CNTNAP2: variants seen among roughly 807,000 people sequenced by gnomAD.
CNTNAP2 encodes contactin associated protein 2.
CNTNAP2 carries 98 observed loss-of-function variants against 155.2 expected under a neutral mutation model. The ratio of observed to expected loss-of-function variants is 0.63; its 90% CI spans 0.54 to 0.75. The LOEUF (loss-of-function observed/expected upper bound fraction) is 0.75, where lower values mean the gene tolerates loss of function less well. CNTNAP2 is among the 30% of genes least tolerant of loss of function. CNTNAP2 has a pLI of 0.00. For missense variants in CNTNAP2, 1,727 were observed against 1,688.1 expected, an observed-to-expected ratio of 1.02 and a Z score of -0.40; for synonymous variants, 651 against 631.2, an observed-to-expected ratio of 1.03 and a Z score of -0.47.
chr7:146,521,388 C>T (rs1797614645), intron 1 of CNTNAP2, among the ~76,000 whole-genome samples: 1 of 151,882 alleles, frequency 6.6e-6, no homozygotes, highest in Non-Finnish European at 1.5e-5. Flanking sequence ...TTGAGTATAG[C>T]ATACAAAATA....
intron 11 of CNTNAP2, among the ~76,000 whole-genome samples, chr7:147,558,597 G>C (rs562379290): frequency 6.6e-6 from 1 of 152,194 alleles, no homozygotes; most frequent in African/African-American, 2.4e-5. Context: ...TTCTGTAAGC[G>C]TTGATGAGGC....
At chr7:146,223,187 G>A (rs1318614027) in intron 1 of CNTNAP2, among the ~76,000 whole-genome samples, 1 of 152,174 alleles carries the variant, frequency 6.6e-6, no homozygotes, top group Non-Finnish European at 1.5e-5. Flanking sequence ...TTGTCACAGA[G>A]CTAGGAAGCA....
intron 8 of CNTNAP2, among the ~76,000 whole-genome samples, chr7:147,229,809 A>G (rs1213480025): frequency 6.6e-6 from 1 of 152,242 alleles, no homozygotes; most frequent in African/African-American, 2.4e-5. Flanking sequence ...AAATTGCAAT[A>G]TAATAAATTA....
intron 13 of CNTNAP2, among the ~76,000 whole-genome samples, chr7:147,771,820 A>G (rs1187334712): frequency 6.6e-6 from 1 of 151,970 alleles, no homozygotes; most frequent in Non-Finnish European, 1.5e-5. Flanking sequence ...ACATAAATTT[A>G]TGAATTTGAT....
At chr7:147,996,162 T>C (rs1365528542) in intron 15 of CNTNAP2, among the ~76,000 whole-genome samples, 1 of 152,178 alleles carries the variant, frequency 6.6e-6, no homozygotes, top group Non-Finnish European at 1.5e-5. Context: ...TCTAATAGCT[T>C]TGAACCACAA....
Position 146,669,473 on chromosome 7 carries a change from A to G in CNTNAP2, c.98-104798A>G, listed in dbSNP as rs146117087. On this transcript the variant is annotated intron_variant, in intron 1 of 23. Transcript: ENST00000361727. ...TAAATATAACTTTGTTATAACATCA[A>G]TTGCGTGTAACCAATCTCATGCCAA... Among the ~76,000 whole-genome samples the G allele has an allele frequency of 1.2e-3, 177 of 152,250 alleles. 1 individual carries two copies. The highest frequency in any genetic ancestry group is 6.8e-3 in the Middle Eastern group (2 of 294).
At chr7:147,006,549 C>A (rs543310038) in intron 3 of CNTNAP2, among the ~76,000 whole-genome samples, 63 of 151,760 alleles carry the variant, frequency 4.2e-4, no homozygotes, top group Non-Finnish European at 8.0e-4. Flanking sequence ...AATATAAATA[C>A]AAGAATTAAA....
chr7:146,215,624 A>T (rs1799101016), intron 1 of CNTNAP2, among the ~76,000 whole-genome samples: 1 of 149,596 alleles, frequency 6.7e-6, no homozygotes. Context: ...AATAATATAT[A>T]TATATTTTTT....
chr7:147,510,918 T>G (rs1799007933), intron 11 of CNTNAP2, among the ~76,000 whole-genome samples: 1 of 136,314 alleles, frequency 7.3e-6, no homozygotes, highest in South Asian at 2.4e-4. Flanking sequence ...GTTACTGAAC[T>G]TGGATACCAC....
chr7:147,746,241 C>G (rs374781720), intron 13 of CNTNAP2, among the ~76,000 whole-genome samples: 2 of 152,240 alleles, frequency 1.3e-5, no homozygotes, highest in Admixed American at 6.5e-5. Context: ...TCTCTGATCC[C>G]CAATCTGTTT....
intron 4 of CNTNAP2, among the ~76,000 whole-genome samples, chr7:147,093,213 C>G (rs1800451019): frequency 1.4e-5 from 2 of 144,324 alleles, no homozygotes; most frequent in Non-Finnish European, 3.0e-5. Flanking sequence ...TGCACTCCAG[C>G]CTGGGCGAAA....
chr7:148,357,712 C>A (rs149948239), intron 21 of CNTNAP2, among the ~76,000 whole-genome samples: 12 of 152,106 alleles, frequency 7.9e-5, no homozygotes, highest in Non-Finnish European at 1.2e-4. Flanking sequence ...CCTCACAGTG[C>A]CAAGCACAGG....
chr7:147,475,261 A>G (rs1286596197), intron 10 of CNTNAP2, among the ~76,000 whole-genome samples: 1 of 152,222 alleles, frequency 6.6e-6, no homozygotes, highest in Non-Finnish European at 1.5e-5. Context: ...ACATGAAATG[A>G]CTAGGTCTCA....
chr7:147,014,809 A>C (rs954300861), intron 3 of CNTNAP2, among the ~76,000 whole-genome samples: 3 of 152,166 alleles, frequency 2.0e-5, no homozygotes, highest in Non-Finnish European at 2.9e-5. Context: ...ATACATACTC[A>C]TAGTTAGTCA....
At chr7:147,487,972 C>A (rs1288487558) in intron 11 of CNTNAP2, among the ~76,000 whole-genome samples, 1 of 151,980 alleles carries the variant, frequency 6.6e-6, no homozygotes. Context: ...CAAATGAAGC[C>A]AAAATTTTGA....
intron 11 of CNTNAP2, among the ~76,000 whole-genome samples, chr7:147,548,389 G>A (rs1032808907): frequency 6.6e-6 from 1 of 152,024 alleles, no homozygotes; most frequent in Non-Finnish European, 1.5e-5. Flanking sequence ...TGTTTGTTGG[G>A]AGCCTAAATG....
At chr7:147,732,851 C>G (rs1796767555) in intron 13 of CNTNAP2, among the ~76,000 whole-genome samples, 1 of 152,214 alleles carries the variant, frequency 6.6e-6, no homozygotes, top group African/African-American at 2.4e-5. Flanking sequence ...AGTGTCTGTT[C>G]ATATCCTTCG....
chr7:148,029,351 ATT>A (rs964859566), intron 15 of CNTNAP2, among the ~76,000 whole-genome samples: 6 of 152,006 alleles, frequency 3.9e-5, no homozygotes, highest in Non-Finnish European at 8.8e-5. Flanking sequence ...AAAATATGGA[ATT>A]TTTTTTCTTA....
chr7:148,312,099 G>A (rs1398880227), intron 21 of CNTNAP2, among the ~76,000 whole-genome samples: 1 of 152,092 alleles, frequency 6.6e-6, no homozygotes, highest in East Asian at 1.9e-4. Flanking sequence ...GTGATTTTTT[G>A]GGCCTCTAAA....
Sources: gnomAD v4.1 joint callset for allele counts (sites outside exome capture counted in the v4.1 genomes callset) on GRCh38, gnomAD v4.1.1 for gene constraint, MANE v1.5 for transcripts, NCBI Gene and HGNC (gene_info 2026-07-23, HGNC 2026-07-21) for gene names.